The following UNC5D variants were observed in gnomAD, a reference collection of about 807,000 sequenced individuals.
UNC5D encodes netrin receptor UNC5D.
Under a neutral mutation model 105.4 loss-of-function variants are expected in UNC5D, and 39 were observed. The ratio of observed to expected loss-of-function variants is 0.37; its 90% CI spans 0.29 to 0.48. The LOEUF is 0.48. Among genes scored for constraint, UNC5D ranks in the 20% least tolerant of loss-of-function variants. UNC5D has a pLI of 0.98. For synonymous variants in UNC5D, 452 were observed against 450.4 expected, an observed-to-expected ratio of 1.00 and a Z score of -0.04; for missense variants, 991 against 1,202.4, an observed-to-expected ratio of 0.82 and a Z score of 2.60.
intron 1 of UNC5D, among the ~76,000 whole-genome samples, chr8:35,325,161 A>T (rs977669697): frequency 6.6e-6 from 1 of 152,214 alleles, no homozygotes; most frequent in African/African-American, 2.4e-5. Flanking sequence ...ATGACAAAGC[A>T]TTCTATATCT....
intron 4 of UNC5D, among the ~76,000 whole-genome samples, chr8:35,618,176 C>T (rs1821148035): frequency 1.3e-5 from 2 of 152,168 alleles, no homozygotes; most frequent in Admixed American, 1.3e-4. Context: ...TTGACAAGAG[C>T]AGTCACTCTA....
At chr8:35,368,945 G>A (rs973617934) in intron 1 of UNC5D, among the ~76,000 whole-genome samples, 3 of 152,138 alleles carry the variant, frequency 2.0e-5, no homozygotes, top group Non-Finnish European at 2.9e-5. Context: ...TCCAGTCTCC[G>A]GAACCATGAG....
At chr8:35,622,072 G>A (rs1450434805) in intron 4 of UNC5D, among the ~76,000 whole-genome samples, 1 of 151,978 alleles carries the variant, frequency 6.6e-6, no homozygotes, top group Non-Finnish European at 1.5e-5. Context: ...GGCCGGGCGC[G>A]GTGGCTCACA....
intron 4 of UNC5D, among the ~76,000 whole-genome samples, chr8:35,673,262 G>T (rs1053397033): frequency 6.6e-6 from 1 of 152,072 alleles, no homozygotes; most frequent in Non-Finnish European, 1.5e-5. Context: ...GAGAGGAGAG[G>T]ACAGGTGACA....
chr8:35,741,457 G>A (rs1829756892), intron 11 of UNC5D, among the ~76,000 whole-genome samples: 1 of 152,084 alleles, frequency 6.6e-6, no homozygotes, highest in Non-Finnish European at 1.5e-5. Flanking sequence ...CTTGTTGCTT[G>A]TAATAATCCA....
chr8:35,360,020 A>G (rs936216658), intron 1 of UNC5D, among the ~76,000 whole-genome samples: 2 of 152,226 alleles, frequency 1.3e-5, no homozygotes, highest in East Asian at 3.8e-4. Context: ...TTGCAAAAAC[A>G]GAAGAGTTTC....
chr8:35,698,820 C>G (rs1200736793), intron 7 of UNC5D, among the ~76,000 whole-genome samples: 1 of 152,084 alleles, frequency 6.6e-6, no homozygotes, highest in African/African-American at 2.4e-5. Flanking sequence ...CAGTGATTAT[C>G]ATGACATTAA....
chr8:35,780,993 G>C (rs1480671998), intron 16 of UNC5D, among the ~76,000 whole-genome samples: 2 of 152,132 alleles, frequency 1.3e-5, no homozygotes, highest in East Asian at 3.9e-4. Context: ...CCTGGTTCTA[G>C]AAACCAGATG....
intron 1 of UNC5D, among the ~76,000 whole-genome samples, chr8:35,539,872 C>T (rs544159425): frequency 4.6e-5 from 7 of 152,182 alleles, no homozygotes; most frequent in Middle Eastern, 3.4e-3. Flanking sequence ...TCTTTTGTTT[C>T]GTCTTTTTGT....
At chr8:35,592,773 C>G (rs1819250386) in intron 3 of UNC5D, among the ~76,000 whole-genome samples, 1 of 152,122 alleles carries the variant, frequency 6.6e-6, no homozygotes, top group South Asian at 2.1e-4. Context: ...CCTGTTACCA[C>G]TGTTGGATCC....
chr8:35,468,547 T>C (rs4532590), intron 1 of UNC5D, among the ~76,000 whole-genome samples: 5,402 of 152,286 alleles, frequency 0.035, 315 homozygotes, highest in African/African-American at 0.12. Context: ...GTGATTTCCC[T>C]AAGTTGGTAG....
In UNC5D at chr8:35,450,919, C is replaced by A. The variant is rs73672299; in HGVS notation, c.104-98373C>A. Among the ~76,000 whole-genome samples, 518 of 152,086 alleles carry A rather than the reference C, an allele frequency of 3.4e-3. 2 individuals carry two copies. The highest frequency in any genetic ancestry group is 0.012 in the African/African-American group (477 of 41,478). On this transcript the variant is annotated intron_variant, in intron 1 of 16. Transcript: ENST00000404895. ...GTGCTCTGAGCACCTTTAAAGTAGA[C>A]TAGGTTAAGTTATGATATTTGGTAG...
intron 7 of UNC5D, among the ~76,000 whole-genome samples, chr8:35,700,111 GC>G (rs1827085085): frequency 6.6e-6 from 1 of 152,164 alleles, no homozygotes; most frequent in Non-Finnish European, 1.5e-5. Context: ...ATCCTTCACT[GC>G]TAATACAAGG....
At position 35,369,169 on chromosome 8, in the gene UNC5D, A is replaced by T. The variant is rs554606225; in HGVS notation, c.103+133282A>T. Among the ~76,000 whole-genome samples the T allele has an allele frequency of 2.6e-5, 4 of 152,278 alleles. No homozygotes were observed. The East Asian group carries it at 7.7e-4, about 29-fold the overall frequency. On this transcript the variant is annotated intron_variant, in intron 1 of 16. Coordinates refer to ENST00000404895, the MANE Select transcript of UNC5D (RefSeq NM_080872.4). ...TAGAGAAACAGTGTTGGTGGTGAGTATACTGTAATTAAATCACCTATCTCT... is the reference window on the plus strand; with the variant it reads ...TAGAGAAACAGTGTTGGTGGTGAGTTTACTGTAATTAAATCACCTATCTCT...
intron 1 of UNC5D, among the ~76,000 whole-genome samples, chr8:35,436,513 A>C (rs539549872): frequency 1.3e-5 from 2 of 152,118 alleles, no homozygotes; most frequent in East Asian, 3.9e-4. Context: ...GCACTCAAAA[A>C]CTGCTCTTGA....
At chr8:35,247,976 AT>A in intron 1 of UNC5D, among the ~76,000 whole-genome samples, 1 of 15,240 alleles carries the variant, frequency 6.6e-5, no homozygotes, top group Admixed American at 2.0e-3. Flanking sequence ...TATATAAAAT[AT>A]ATATAATATA....
At chr8:35,646,419 G>A (rs1056712304) in intron 4 of UNC5D, among the ~76,000 whole-genome samples, 1 of 152,014 alleles carries the variant, frequency 6.6e-6, no homozygotes, top group Non-Finnish European at 1.5e-5. Flanking sequence ...GCTCATTTTT[G>A]CCTGTCCCTA....
chr8:35,478,083 C>T (rs1810241013), intron 1 of UNC5D, among the ~76,000 whole-genome samples: 1 of 152,132 alleles, frequency 6.6e-6, no homozygotes, highest in South Asian at 2.1e-4. Flanking sequence ...CTGACCAATT[C>T]TCTTCCTTCC....
At chr8:35,638,765 A>T (rs1353843276) in intron 4 of UNC5D, among the ~76,000 whole-genome samples, 4 of 152,066 alleles carry the variant, frequency 2.6e-5, no homozygotes, top group African/African-American at 9.7e-5. Flanking sequence ...CTGCCACTGC[A>T]CTCCAGCCTG....
Sources: gnomAD v4.1 joint callset for allele counts (sites outside exome capture counted in the v4.1 genomes callset) on GRCh38, gnomAD v4.1.1 for gene constraint, MANE v1.5 for transcripts, NCBI Gene and HGNC (gene_info 2026-07-23, HGNC 2026-07-21) for gene names.